The following CD163L1 variants were observed in gnomAD, a reference collection of about 807,000 sequenced individuals.
CD163L1 encodes the protein scavenger receptor cysteine-rich type 1 protein M160.
A neutral mutation model predicts 165.4 loss-of-function variants in CD163L1; 124 were observed. That is an observed-to-expected ratio of 0.75 (90% CI 0.65 to 0.87). The LOEUF is 0.87. Ranked by LOEUF, CD163L1 falls within the 40% of genes least tolerant of loss-of-function variation. The pLI, the probability that CD163L1 is intolerant of heterozygous loss-of-function variation, is 0.00. For missense variants in CD163L1, 1,525 were observed against 1,799.9 expected (o/e 0.85, Z 2.76); for synonymous variants, 585 against 662.2 (o/e 0.88, Z 1.79).
chr12:7,357,557 G>T, intron 18 of CD163L1, 71 bp from the exon 19 acceptor site: 1 of 1,293,166 alleles, frequency 7.7e-7, no homozygotes, highest in Non-Finnish European at 1.1e-6. Flanking sequence ...GCTGTTAAGT[G>T]CAGTGTTTGA....
At chr12:7,332,943 T>G in the CD163L1 span, among the ~76,000 whole-genome samples, 1 of 152,112 alleles carries the variant, frequency 6.6e-6, no homozygotes, top group African/African-American at 2.4e-5. Flanking sequence ...ATACTAACCT[T>G]AAATGTAAAT....
In CD163L1 at chr12:7,371,976, T is replaced by C. The variant is rs193165234; in HGVS notation, c.3730+1344A>G. On this transcript the variant is annotated intron_variant, in intron 14 of 19. Coordinates refer to ENST00000313599, the MANE Select transcript of CD163L1 (RefSeq NM_174941.6). The stretch of plus-strand genomic sequence containing the variant: ...TGGTATTATAGGTGATATCTGTGTT[T>C]TTTTCCATGATTTCTGGGTTTTTTT... Among the ~76,000 whole-genome samples the C allele has an allele frequency of 1.9e-3, 283 of 152,166 alleles. 1 individual carries two copies. The highest frequency in any genetic ancestry group is 6.4e-3 in the African/African-American group (268 of 41,554).
intron 18 of CD163L1, among the ~76,000 whole-genome samples, chr12:7,363,982 C>G (rs1187876281): frequency 6.6e-6 from 1 of 151,908 alleles, no homozygotes; most frequent in Non-Finnish European, 1.5e-5. Context: ...AATGAAACAA[C>G]AAAGAAAGAA....
the CD163L1 span, among the ~76,000 whole-genome samples, chr12:7,338,134 G>T: frequency 6.6e-6 from 1 of 152,086 alleles, no homozygotes; most frequent in Admixed American, 6.6e-5. Flanking sequence ...ATGGACACAG[G>T]GAGGGGAATG....
chr12:7,426,249 G>C (rs74934166), intron 4 of CD163L1, among the ~76,000 whole-genome samples: 1 of 152,018 alleles, frequency 6.6e-6, no homozygotes, highest in African/African-American at 2.4e-5. Context: ...AATGAGAACA[G>C]ATGAACGCAC....
the CD163L1 span, chr12:7,323,586 T>C: frequency 2.5e-6 from 4 of 1,586,628 alleles, no homozygotes; most frequent in Non-Finnish European, 3.5e-6. Flanking sequence ...GTGCTGGTCA[T>C]GCTTAATACA....
At chr12:7,352,170 T>A (rs1230946912), downstream of CD163L1, among the ~76,000 whole-genome samples, 1 of 152,076 alleles carries the variant, frequency 6.6e-6, no homozygotes, top group African/African-American at 2.4e-5. Flanking sequence ...ACAAATCCTG[T>A]CTCCCTAAAG....
At chr12:7,422,193 G>A (rs1270018270) in intron 4 of CD163L1, among the ~76,000 whole-genome samples, 4 of 152,138 alleles carry the variant, frequency 2.6e-5, no homozygotes, top group African/African-American at 9.7e-5. Flanking sequence ...ACCTGGAGAA[G>A]AGGGGCATGA....
rs768403053 is a variant in CD163L1 at position 7,379,122 on chromosome 12, G to C, written c.2227C>G (p.Pro743Ala). 1.2e-6 allele frequency: 2 copies of C among 1,614,074 alleles called. No homozygotes were observed. Among genetic ancestry groups the C allele is most frequent in the Non-Finnish European group, 1.7e-6 (2 of 1,179,998 alleles). ...TGTAATGTTCTTTCTGTGAAATGAG[G>C]CTCTCTGGAGACCCTGATTGCAGAC... Reference protein sequence around the residue: ...CGSAIRVSREPHFTERTLHIL... With the variant: ...CGSAIRVSREAHFTERTLHIL... Residue 743 changes from proline (P) to alanine (A), a missense_variant, in exon 9 of 20, where the codon CCT becomes GCT. Coordinates refer to ENST00000313599, the MANE Select transcript of CD163L1 (RefSeq NM_174941.6).
chr12:7,386,774 TC>T (rs762355173), intron 8 of CD163L1, among the ~76,000 whole-genome samples: 1 of 151,898 alleles, frequency 6.6e-6, no homozygotes, highest in Non-Finnish European at 1.5e-5. Context: ...AAATTCAACA[TC>T]CCTTCATAAT....
chr12:7,329,606 T>G, the CD163L1 span, among the ~76,000 whole-genome samples: 1 of 152,068 alleles, frequency 6.6e-6, no homozygotes, highest in Non-Finnish European at 1.5e-5. Flanking sequence ...CAGTTGTTTT[T>G]TTTGTTTGTT....
At chr12:7,343,841 A>T (rs551486889), downstream of CD163L1, among the ~76,000 whole-genome samples, 1 of 152,308 alleles carries the variant, frequency 6.6e-6, no homozygotes. Flanking sequence ...AGTCCTCTAG[A>T]GTCTTAACTC....
rs374451931 is a variant in CD163L1 at position 7,406,805 on chromosome 12, T to C, written c.814A>G (p.Met272Val). The change falls in exon 5 of 20, where the codon ATG becomes GTG. Residue 272 changes from methionine (M) to valine (V), a missense_variant. Physicochemically the swap from Met to Val is conservative, Grantham distance 21. Transcript: ENST00000313599. ...TGGATTTTCAGCTCTACTCTCCCCA[T>C]ACAGCGGTTAGTTCCACCTACAAGC... ...LRLVGGTNRCMGRVELKIQGR... is the reference protein window; with the variant it reads ...LRLVGGTNRCVGRVELKIQGR... 4.6e-5 allele frequency: 75 copies of C among 1,614,036 alleles called. No homozygotes were observed. The African/African-American group carries it at 9.5e-4, about 20-fold the overall frequency.
Position 7,398,524 on chromosome 12 carries a change from T to C in CD163L1, c.1469A>G (p.Glu490Gly). The C allele has an allele frequency of 6.2e-7, 1 of 1,612,984 alleles. No individual in the cohort carries two copies. ...GAHSPCYGRL[E>G]VKYQGEWGTV... ...CCCCCACTCTCCTTGGTATTTCACC[T>C]CCAATCTCCCATAACAGGGGCTATG... The change falls in exon 7 of 20, where the codon GAG (glutamate) becomes GGG (glycine). Residue 490 changes from glutamate to glycine, a missense_variant. Coordinates refer to ENST00000313599, the MANE Select transcript of CD163L1 (RefSeq NM_174941.6). This position sits in a 1 kb window ranked among gnomAD's most constrained non-coding sequence, Gnocchi z 4.5.
intron 8 of CD163L1, among the ~76,000 whole-genome samples, chr12:7,382,834 A>C (rs1213548318): frequency 6.6e-6 from 1 of 152,134 alleles, no homozygotes; most frequent in Non-Finnish European, 1.5e-5. Context: ...AGCCCCACTG[A>C]TAACCTCCCT....
At chr12:7,349,227 T>C (rs1340010365) in intron 4 of CD163L1, among the ~76,000 whole-genome samples, 1 of 152,218 alleles carries the variant, frequency 6.6e-6, no homozygotes, top group Non-Finnish European at 1.5e-5. Flanking sequence ...CCCTTAATTA[T>C]ATATTGATTT....
rs962429793 is a variant in CD163L1, at chr12:7,372,607, TG to T, written c.3730+712del. On this transcript the variant is annotated intron_variant, in intron 14 of 19. Transcript: ENST00000313599. This position sits in a 1 kb window ranked among gnomAD's most constrained non-coding sequence, Gnocchi z 4.2. ...TAGGATACAGATATCCTAAATATAG[TG>T]TAACACTACATTACATGCATATATA... is the stretch of plus-strand genomic sequence containing the variant. 1.3e-5 allele frequency among the ~76,000 whole-genome samples: 2 copies of T among 151,796 alleles called. No individual in the cohort carries two copies. The highest frequency in any genetic ancestry group is 6.6e-5 in the Admixed American group (1 of 15,226).
In CD163L1 at chr12:7,374,691, C is replaced by G. The variant is rs755424919; in HGVS notation, c.3160G>C (p.Asp1054His). The G allele has an allele frequency of 7.4e-6, 12 of 1,614,094 alleles. No homozygotes were observed. In the Admixed American group the frequency reaches 1.8e-4, roughly 25 times the overall value. ...RCAGRVEIYH[D>H]GFWGTICDDG... The stretch of plus-strand genomic sequence containing the variant: ...TCACAGATGGTGCCCCAGAAGCCGT[C>G]GTGATAGATCTCTACTCTCCCGGCA... Residue 1054 changes from aspartate (D) to histidine (H), a missense_variant, in exon 13 of 20, where the codon GAC (aspartate) becomes CAC (histidine). Transcript: ENST00000313599. This position sits in a 1 kb window ranked among gnomAD's most constrained non-coding sequence, Gnocchi z 5.4.
At chr12:7,357,574 G>T in intron 18 of CD163L1, 88 bp from the exon 19 acceptor site, 4 of 1,070,278 alleles carry the variant, frequency 3.7e-6, no homozygotes, top group Non-Finnish European at 5.7e-6. Flanking sequence ...TTGATCAGCT[G>T]GGAAAGTATA....
Sources: gnomAD v4.1 joint callset for allele counts (sites outside exome capture counted in the v4.1 genomes callset) on GRCh38, gnomAD v4.1.1 for gene constraint, Gnocchi (gnomAD v3.1) non-coding constraint, MANE v1.5 for transcripts, NCBI Gene and HGNC (gene_info 2026-07-23, HGNC 2026-07-21) for gene names.